Variants in LAMA2 observed in about 807,000 individuals in gnomAD.
The protein encoded by LAMA2 is laminin subunit alpha-2.
Under a neutral mutation model 364.8 loss-of-function variants are expected in LAMA2, and 269 were observed. That is an observed-to-expected ratio of 0.74 (90% CI 0.67 to 0.82). LAMA2 has a LOEUF of 0.82. Among genes scored for constraint, LAMA2 ranks in the 40% least tolerant of loss-of-function variants. The pLI is 0.00. For synonymous variants in LAMA2, 1,379 were observed against 1,370.6 expected, an observed-to-expected ratio of 1.01 and a Z score of -0.14; for missense variants, 3,807 against 3,873.2, an observed-to-expected ratio of 0.98 and a Z score of 0.45.
Position 129,443,083 on chromosome 6 carries a change from A to G in LAMA2, c.6274+15A>G. 6.3e-7 allele frequency: 1 copy of G among 1,583,954 alleles called. No homozygotes were observed. Among genetic ancestry groups the G allele is most frequent in the Non-Finnish European group, 8.6e-7 (1 of 1,159,700 alleles). On this transcript the variant is annotated intron_variant, in intron 44 of 64. Transcript: ENST00000421865. Reference sequence around the variant, plus strand: ...TGCAGAAATCAGTACGTATATGTTTACTTATATACCTTTTAGTAACGCTCA... The same window carrying G: ...TGCAGAAATCAGTACGTATATGTTTGCTTATATACCTTTTAGTAACGCTCA...
At chr6:129,050,542 A>C (rs1333282539) in intron 2 of LAMA2, among the ~76,000 whole-genome samples, 3 of 152,170 alleles carry the variant, frequency 2.0e-5, no homozygotes. Context: ...GATGGCCACA[A>C]AGGCTTGGTG....
At chr6:129,227,619 A>G (rs1014329868) in intron 12 of LAMA2, among the ~76,000 whole-genome samples, 2 of 152,204 alleles carry the variant, frequency 1.3e-5, no homozygotes, top group Non-Finnish European at 2.9e-5. Flanking sequence ...CCTGGGTATC[A>G]GCAGCGGAGG....
At chr6:129,199,933 G>A (rs559718316) in intron 12 of LAMA2, among the ~76,000 whole-genome samples, 21 of 151,714 alleles carry the variant, frequency 1.4e-4, no homozygotes, top group Non-Finnish European at 2.7e-4. Context: ...ACAAAAATTA[G>A]CCAGGTGTGG....
intron 9 of LAMA2, among the ~76,000 whole-genome samples, chr6:129,173,163 G>A (rs1477213218): frequency 6.6e-6 from 1 of 152,314 alleles, no homozygotes; most frequent in African/African-American, 2.4e-5. Flanking sequence ...CTGTAGACCG[G>A]AGCTGTTCCT....
At chr6:128,887,772 A>G (rs950231294) in intron 1 of LAMA2, among the ~76,000 whole-genome samples, 5 of 152,186 alleles carry the variant, frequency 3.3e-5, no homozygotes, top group Admixed American at 1.3e-4. Flanking sequence ...CAGGAGGCTG[A>G]GGCAGGAGAA....
chr6:129,007,005 A>G (rs898665723), intron 1 of LAMA2, among the ~76,000 whole-genome samples: 2 of 151,960 alleles, frequency 1.3e-5, no homozygotes, highest in African/African-American at 4.8e-5. Flanking sequence ...TTCCTGAACA[A>G]CCACCCCTTT....
At chr6:129,432,519 T>C (rs1781646909) in intron 41 of LAMA2, among the ~76,000 whole-genome samples, 1 of 152,134 alleles carries the variant, frequency 6.6e-6, no homozygotes, top group Non-Finnish European at 1.5e-5. Context: ...CTGGGCTTTG[T>C]TGTGTGTTCA....
At chr6:129,145,678 G>T (rs1400608155) in intron 5 of LAMA2, among the ~76,000 whole-genome samples, 1 of 151,840 alleles carries the variant, frequency 6.6e-6, no homozygotes, top group Non-Finnish European at 1.5e-5. Flanking sequence ...TATCGTACAT[G>T]AGTCTTTAAA....
At position 129,514,580 on chromosome 6, in the gene LAMA2, G is replaced by T; in HGVS notation, c.9196G>T (p.Val3066Phe). 6.2e-7 allele frequency: 1 copy of T among 1,613,970 alleles called. No homozygotes were observed. The highest frequency in any genetic ancestry group is 8.5e-7 in the Non-Finnish European group (1 of 1,179,964). The change falls in exon 64 of 65, where the codon GTT becomes TTT. Residue 3066 changes from valine to phenylalanine, a missense_variant. Around this residue, in one of 3 missense-constraint regions of LAMA2, gnomAD observed 3,333 missense variants for 3,345.7 expected, o/e 1.00. Coordinates refer to ENST00000421865, the MANE Select transcript of LAMA2 (RefSeq NM_000426.4). ...AGCTGACACAAATGACCCTGTGTTT[G>T]TTGGAGGCTTCCCAGGTGAGTGTTG... ...TSADTNDPVF[V>F]GGFPDDLKQF... is the part of the protein sequence containing the mutation.
intron 12 of LAMA2, among the ~76,000 whole-genome samples, chr6:129,233,489 TAG>T (rs369211286): frequency 2.0e-4 from 31 of 152,228 alleles, no homozygotes; most frequent in African/African-American, 7.2e-4. Context: ...TAAAGTGTGT[TAG>T]AGAGAAAAGA....
At chr6:129,307,794 G>T (rs1237055104) in intron 22 of LAMA2, among the ~76,000 whole-genome samples, 2 of 152,196 alleles carry the variant, frequency 1.3e-5, no homozygotes, top group Admixed American at 1.3e-4. Context: ...TAGGATTAGT[G>T]CTGAAGTTGT....
chr6:129,500,339 C>G (rs1785532586), intron 58 of LAMA2, among the ~76,000 whole-genome samples: 1 of 152,106 alleles, frequency 6.6e-6, no homozygotes, highest in Non-Finnish European at 1.5e-5. Context: ...TAGTAAACAT[C>G]ACCTTGGATG....
chr6:129,229,221 C>T (rs1207110567), intron 12 of LAMA2, among the ~76,000 whole-genome samples: 1 of 151,998 alleles, frequency 6.6e-6, no homozygotes, highest in African/African-American at 2.4e-5. Flanking sequence ...AAAAGTAGAG[C>T]ATGGAGGGCC....
At position 129,357,518 on chromosome 6, in the gene LAMA2, T is replaced by G. The variant is rs180913597; in HGVS notation, c.4717+4161T>G. 2.2e-4 allele frequency among the ~76,000 whole-genome samples: 33 copies of G among 152,152 alleles called. No homozygotes were observed. The East Asian group carries it at 6.0e-3, about 28-fold the overall frequency. The stretch of plus-strand genomic sequence containing the variant: ...TACTTAAATTCTAACATATATTTAT[T>G]TAAAATAAAACATACACTTTGCTTG... On this transcript the variant is annotated intron_variant, in intron 32 of 64. Coordinates refer to ENST00000421865, the MANE Select transcript of LAMA2 (RefSeq NM_000426.4).
chr6:129,377,673 A>G (rs923149831), intron 34 of LAMA2, among the ~76,000 whole-genome samples: 2 of 152,232 alleles, frequency 1.3e-5, no homozygotes, highest in Admixed American at 6.5e-5. Context: ...AGGAAACCAT[A>G]TGAGTCCACA....
chr6:129,491,634 C>A (rs1228673170), intron 56 of LAMA2, among the ~76,000 whole-genome samples: 1 of 152,208 alleles, frequency 6.6e-6, no homozygotes, highest in East Asian at 1.9e-4. Flanking sequence ...TGTTGGGCTG[C>A]ACAGCGCTGT....
rs1311234441 is a variant in LAMA2, at chr6:129,393,266, G to A, written c.5445+11G>A. On this transcript the variant is annotated intron_variant, in intron 37 of 64. Transcript: ENST00000421865. The stretch of plus-strand genomic sequence containing the variant: ...ATGACTGCATTGGAGGTGAGTCTTA[G>A]GGGCACTTTTATCTTAATCTCAGAA... The A allele has an allele frequency of 5.0e-6, 8 of 1,600,574 alleles. No individual in the cohort carries two copies. Among genetic ancestry groups the A allele is most frequent in the Non-Finnish European group, 6.8e-6 (8 of 1,168,002 alleles).
At chr6:129,481,659 C>G (rs183951120) in intron 55 of LAMA2, among the ~76,000 whole-genome samples, 1 of 152,262 alleles carries the variant, frequency 6.6e-6, no homozygotes, top group East Asian at 1.9e-4. Flanking sequence ...ATTGTAGGTG[C>G]AAAGTCACCC....
Position 129,300,866 on chromosome 6 carries a change from T to C in LAMA2, c.3168T>C (p.Gly1056=). ...PNTWGHSITT[G]CKACNCSTVG... The stretch of plus-strand genomic sequence containing the variant: ...CCTGGGGCCACAGCATTACCACTGG[T>C]TGTAAGGTGAGTGAACCACTTTTTT... Residue 1056 remains glycine (G), a synonymous_variant, in exon 22 of 65, where the codon GGT becomes GGC. Transcript: ENST00000421865. 1.2e-6 allele frequency: 2 copies of C among 1,613,780 alleles called. No homozygotes were observed. The highest frequency in any genetic ancestry group is 1.7e-6 in the Non-Finnish European group (2 of 1,179,692).
Sources: allele counts gnomAD v4.1 joint callset (sites outside exome capture counted in the v4.1 genomes callset), GRCh38; gene constraint gnomAD v4.1.1; regional missense constraint gnomAD v4.1.1; transcripts MANE v1.5; gene names NCBI Gene and HGNC (gene_info 2026-07-23, HGNC 2026-07-21).